PLEKHG1: variants seen among roughly 807,000 people sequenced by gnomAD.
The protein encoded by PLEKHG1 is pleckstrin homology and RhoGEF domain containing G1.
In PLEKHG1, 44 loss-of-function variants were observed where a neutral mutation model predicts 100.8. The ratio of observed to expected loss-of-function variants is 0.44; its 90% CI spans 0.34 to 0.56. The LOEUF is 0.56. Among genes scored for constraint, PLEKHG1 ranks in the 20% least tolerant of loss-of-function variants. The pLI is 0.01. For synonymous variants in PLEKHG1, 640 were observed against 662.5 expected (o/e 0.97, Z 0.52); for missense variants, 1,545 against 1,720.9 (o/e 0.90, Z 1.81).
intron 2 of PLEKHG1, among the ~76,000 whole-genome samples, chr6:150,763,494 G>A (rs1784290165): frequency 6.6e-6 from 1 of 152,160 alleles, no homozygotes; most frequent in African/African-American, 2.4e-5. Flanking sequence ...GATTAACTAG[G>A]CCAAAAGTAG....
rs1261464392 is a variant in PLEKHG1, at chr6:150,839,393, G to A, written c.3095-440G>A. ...GGCCTCCGAAAGTGCTAGAATTACA[G>A]GCGTGAGCTATTACGCCCAGCCCTG... On this transcript the variant is annotated intron_variant, in intron 15 of 15. Coordinates refer to ENST00000358517, the Ensembl canonical transcript of PLEKHG1. Among the ~76,000 whole-genome samples, 11 of 152,306 alleles carry A rather than the reference G, an allele frequency of 7.2e-5. No homozygotes were observed. The East Asian group carries it at 1.9e-3, about 27-fold the overall frequency.
intron 14 of PLEKHG1, among the ~76,000 whole-genome samples, chr6:150,825,664 T>C (rs771659373): frequency 7.2e-5 from 11 of 152,302 alleles, no homozygotes; most frequent in Admixed American, 2.6e-4. Flanking sequence ...GCTGCGTATA[T>C]GTGTGTATGA....
At chr6:150,638,727 A>G (rs1378635832) in intron 2 of PLEKHG1, among the ~76,000 whole-genome samples, 2 of 152,138 alleles carry the variant, frequency 1.3e-5, no homozygotes, top group Non-Finnish European at 2.9e-5. Flanking sequence ...ATTAAACTGA[A>G]ACTTAATTTC....
intron 3 of PLEKHG1, among the ~76,000 whole-genome samples, chr6:150,659,045 A>C (rs974406838): frequency 7.9e-5 from 12 of 152,028 alleles, no homozygotes; most frequent in African/African-American, 2.4e-4. Context: ...TAAATACCCA[A>C]CTGCAACCCC....
intron 14 of PLEKHG1, chr6:150,827,984 C>T (rs965311998): frequency 1.2e-6 from 2 of 1,612,546 alleles, no homozygotes; most frequent in Non-Finnish European, 1.7e-6. Flanking sequence ...AAGAAGTTAC[C>T]AAAGCTGGCG....
At chr6:150,819,871 T>G (rs1371380973) in intron 12 of PLEKHG1, 97 bp downstream of exon 13, 6 of 777,228 alleles carry the variant, frequency 7.7e-6, no homozygotes, top group Non-Finnish European at 1.4e-5. Flanking sequence ...GTCTGGTTTC[T>G]CAGCTCACTG....
intron 13 of PLEKHG1, among the ~76,000 whole-genome samples, chr6:150,821,459 G>A (rs556000485): frequency 2.0e-5 from 3 of 152,258 alleles, no homozygotes; most frequent in Admixed American, 6.5e-5. Context: ...CGAGGCGGGC[G>A]GCTCTGTTGA....
At chr6:150,663,894 G>GT (rs992761690) in intron 3 of PLEKHG1, 1 of 152,098 alleles carries the variant, frequency 6.6e-6, no homozygotes, top group African/African-American at 2.4e-5. Flanking sequence ...CACATCTATT[G>GT]TACCTTTTAT....
chr6:150,628,577 C>CACACACACACACACACATA (rs3046186), intron 1 of PLEKHG1, among the ~76,000 whole-genome samples: 5 of 147,310 alleles, frequency 3.4e-5, no homozygotes, highest in Non-Finnish European at 6.0e-5. Context: ...CACACACACA[C>CACACACACACACACACATA]CCCGTCCTTG....
chr6:150,754,516 A>G (rs1396115028), intron 2 of PLEKHG1, among the ~76,000 whole-genome samples: 2 of 152,124 alleles, frequency 1.3e-5, no homozygotes, highest in Non-Finnish European at 2.9e-5. Flanking sequence ...CAGGTGAGAG[A>G]TGAGAACAAG....
At chr6:150,748,918 C>A (rs558152213) in intron 2 of PLEKHG1, among the ~76,000 whole-genome samples, 2 of 152,124 alleles carry the variant, frequency 1.3e-5, no homozygotes, top group Non-Finnish European at 2.9e-5. Context: ...TGAGCCACTG[C>A]ACCTATCTTT....
chr6:150,813,292 G>C (rs1250992691), intron 10 of PLEKHG1, among the ~76,000 whole-genome samples: 2 of 134,424 alleles, frequency 1.5e-5, no homozygotes, highest in Non-Finnish European at 3.1e-5. Flanking sequence ...GCGACAGAGT[G>C]AGACTCTGTC....
intron 2 of PLEKHG1, among the ~76,000 whole-genome samples, chr6:150,757,892 C>T (rs1361930994): frequency 6.6e-6 from 1 of 152,112 alleles, no homozygotes; most frequent in Non-Finnish European, 1.5e-5. Context: ...TGTGTTGTTC[C>T]CCTCCCTGTG....
intron 3 of PLEKHG1, among the ~76,000 whole-genome samples, chr6:150,709,955 T>A (rs1781185177): frequency 6.6e-6 from 1 of 152,142 alleles, no homozygotes; most frequent in Admixed American, 6.5e-5. Flanking sequence ...CCAGCTAATT[T>A]TTTTTATTTT....
chr6:150,727,079 A>G (rs1781998121), intron 1 of PLEKHG1, among the ~76,000 whole-genome samples: 5 of 152,154 alleles, frequency 3.3e-5, no homozygotes, highest in Admixed American at 3.3e-4. Context: ...AATTCACAGG[A>G]GGTGTAATAA....
At chr6:150,794,182 A>C (rs1786172402) in intron 4 of PLEKHG1, among the ~76,000 whole-genome samples, 1 of 152,228 alleles carries the variant, frequency 6.6e-6, no homozygotes. Context: ...AAAGGAAGAA[A>C]AATAGGGGAG....
At chr6:150,745,375 A>G (rs972363941) in intron 2 of PLEKHG1, among the ~76,000 whole-genome samples, 1 of 152,148 alleles carries the variant, frequency 6.6e-6, no homozygotes, top group Admixed American at 6.5e-5. Context: ...CGCATAACAT[A>G]TGTGTTCTCA....
intron 3 of PLEKHG1, among the ~76,000 whole-genome samples, chr6:150,769,242 C>T (rs149467614): frequency 1.0e-3 from 156 of 152,020 alleles, no homozygotes; most frequent in African/African-American, 3.7e-3. Context: ...AAATAGTAAA[C>T]AAGACAGAGA....
chr6:150,677,295 C>CACACACAT (rs1779791799), intron 3 of PLEKHG1, among the ~76,000 whole-genome samples: 1 of 151,776 alleles, frequency 6.6e-6, no homozygotes, highest in African/African-American at 2.4e-5. Flanking sequence ...TACACACACA[C>CACACACAT]ACACACACGC....
Sources: allele counts gnomAD v4.1 joint callset (sites outside exome capture counted in the v4.1 genomes callset), GRCh38; gene constraint gnomAD v4.1.1; transcripts MANE v1.5; gene names NCBI Gene and HGNC (gene_info 2026-07-23, HGNC 2026-07-21).